The following NXPE1 variants were observed in gnomAD, a reference collection of about 807,000 sequenced individuals.
NXPE1 encodes NXPE family member 1.
A neutral mutation model predicts 33.3 loss-of-function variants in NXPE1; 31 were observed. The ratio of observed to expected loss-of-function variants is 0.93; its 90% confidence interval spans 0.70 to 1.26. NXPE1 has a LOEUF of 1.26. Among genes scored for constraint, NXPE1 ranks in the 50% most tolerant of loss-of-function variants. The pLI, the probability that NXPE1 is intolerant of heterozygous loss-of-function variation, is 0.00. For missense variants in NXPE1, 661 were observed against 655.6 expected (o/e 1.01, Z -0.09); for synonymous variants, 229 against 231.4 (o/e 0.99, Z 0.09).
intron 1 of NXPE1, among the ~76,000 whole-genome samples, chr11:114,554,619 T>C (rs1242479179): frequency 6.6e-6 from 1 of 152,194 alleles, no homozygotes; most frequent in Non-Finnish European, 1.5e-5. Context: ...AGCAGCCAGG[T>C]CTTATATTTA....
At chr11:114,521,863 A>T in exon 9 of NXPE1, 2 of 890,844 alleles carry the variant, frequency 2.2e-6, no homozygotes, top group Non-Finnish European at 3.5e-6. Flanking sequence ...AGATTCTTTT[A>T]AATTTATTTT....
chr11:114,537,614 A>G (rs931115402), intron 5 of NXPE1, among the ~76,000 whole-genome samples: 4 of 152,214 alleles, frequency 2.6e-5, no homozygotes, highest in African/African-American at 9.6e-5. Context: ...TGCAAAAATC[A>G]CGAGCATTCT....
At chr11:114,544,262 C>T (rs990826784) in intron 5 of NXPE1, among the ~76,000 whole-genome samples, 9 of 151,976 alleles carry the variant, frequency 5.9e-5, no homozygotes, top group Admixed American at 3.3e-4. Flanking sequence ...GGTAAAGGAA[C>T]CAAAATAACT....
chr11:114,520,400 C>T (rs963849816), downstream of NXPE1, among the ~76,000 whole-genome samples: 3 of 152,104 alleles, frequency 2.0e-5, no homozygotes, highest in African/African-American at 4.8e-5. Context: ...TTTTACTTAG[C>T]GTAACGTCCT....
chr11:114,549,227 C>A, intron 5 of NXPE1, among the ~76,000 whole-genome samples: 1 of 151,906 alleles, frequency 6.6e-6, no homozygotes, highest in East Asian at 1.9e-4. Flanking sequence ...AAGTTCAGAG[C>A]ACTAGAAACA....
chr11:114,537,028 G>A (rs4938115), intron 5 of NXPE1, among the ~76,000 whole-genome samples: 34,463 of 151,890 alleles, frequency 0.23, 5,497 homozygotes, highest in African/African-American at 0.44. Flanking sequence ...GCAAAAATCC[G>A]CAATAAAATA....
At chr11:114,544,340 T>C (rs1214282050) in intron 5 of NXPE1, among the ~76,000 whole-genome samples, 1 of 152,216 alleles carries the variant, frequency 6.6e-6, no homozygotes, top group Non-Finnish European at 1.5e-5. Flanking sequence ...ATTACAAAGC[T>C]GCCGTTATCA....
chr11:114,520,802 T>C (rs2134882356), downstream of NXPE1, among the ~76,000 whole-genome samples: 1 of 152,334 alleles, frequency 6.6e-6, no homozygotes. Flanking sequence ...TAATGATGAC[T>C]TCCAAATTGA....
At chr11:114,538,847 T>C (rs1947957112) in intron 5 of NXPE1, among the ~76,000 whole-genome samples, 1 of 152,184 alleles carries the variant, frequency 6.6e-6, no homozygotes, top group African/African-American at 2.4e-5. Flanking sequence ...GACTGTAAAC[T>C]AGTTCAACCA....
chr11:114,529,931 C>T (rs1182541535), intron 6 of NXPE1: 3 of 448,232 alleles, frequency 6.7e-6, no homozygotes, highest in South Asian at 5.0e-5. Flanking sequence ...ATCTTTTTTT[C>T]AGTGGAACAT....
chr11:114,526,744 C>A (rs982650888), intron 7 of NXPE1: 1 of 152,144 alleles, frequency 6.6e-6, no homozygotes, highest in Non-Finnish European at 1.5e-5. Context: ...ATACAGGACA[C>A]CGTATTAAAT....
chr11:114,530,279 A>G (rs1947530741), exon 6 of NXPE1: 1 of 1,614,220 alleles, frequency 6.2e-7, no homozygotes, highest in Non-Finnish European at 8.5e-7. Flanking sequence ...GCTTCATACA[A>G]TAGAAGGCTT....
At chr11:114,540,087 C>T (rs996537184) in intron 5 of NXPE1, among the ~76,000 whole-genome samples, 1 of 152,204 alleles carries the variant, frequency 6.6e-6, no homozygotes, top group Non-Finnish European at 1.5e-5. Flanking sequence ...GCCTGAATAG[C>T]TGGGATTACA....
intron 5 of NXPE1, among the ~76,000 whole-genome samples, chr11:114,534,599 T>G (rs534528342): frequency 7.6e-4 from 116 of 152,274 alleles, no homozygotes; most frequent in African/African-American, 2.5e-3. Flanking sequence ...AAGGACCTGA[T>G]GGAGCTGAAA....
At chr11:114,539,906 C>G (rs1948021343) in intron 5 of NXPE1, among the ~76,000 whole-genome samples, 1 of 151,944 alleles carries the variant, frequency 6.6e-6, no homozygotes, top group Non-Finnish European at 1.5e-5. Context: ...TTGAAAAAAA[C>G]CCAAAGATTC....
intron 5 of NXPE1, among the ~76,000 whole-genome samples, chr11:114,548,202 C>T (rs1164799071): frequency 1.3e-5 from 2 of 151,962 alleles, no homozygotes; most frequent in African/African-American, 2.4e-5. Context: ...ATAAGAGATT[C>T]AAGAATACTT....
chr11:114,533,500 G>A (rs546961750), intron 5 of NXPE1, among the ~76,000 whole-genome samples: 11 of 152,350 alleles, frequency 7.2e-5, no homozygotes, highest in African/African-American at 9.6e-5. Flanking sequence ...CGCCTCACCC[G>A]GGAAGCACAA....
intron 1 of NXPE1, among the ~76,000 whole-genome samples, chr11:114,556,880 T>C (rs796568244): frequency 5.3e-5 from 8 of 151,956 alleles, no homozygotes; most frequent in African/African-American, 1.7e-4. Flanking sequence ...TTCTATTCCA[T>C]TTTCTCCCTT....
chr11:114,523,375 C>G (rs1431306469), intron 7 of NXPE1, among the ~76,000 whole-genome samples: 1 of 152,144 alleles, frequency 6.6e-6, no homozygotes, highest in Non-Finnish European at 1.5e-5. Context: ...GACGTTCTAT[C>G]CTTTTTTCCT....
Sources: gnomAD v4.1 joint callset for allele counts (sites outside exome capture counted in the v4.1 genomes callset) on GRCh38, gnomAD v4.1.1 for gene constraint, MANE v1.5 for transcripts, NCBI Gene and HGNC (gene_info 2026-07-23, HGNC 2026-07-21) for gene names.